TSHZ3: variants seen among roughly 807,000 people sequenced by gnomAD.
TSHZ3 encodes teashirt zinc finger homeobox 3, also known as teashirt homolog 3.
TSHZ3 carries 10 observed loss-of-function variants against 64.5 expected under a neutral mutation model. The observed-to-expected ratio is 0.16, with a 90% CI of 0.10 to 0.26. TSHZ3 has a LOEUF of 0.26. TSHZ3 is among the 10% of genes least tolerant of loss of function. The pLI, the probability that TSHZ3 is intolerant of heterozygous loss-of-function variation, is 1.00. For missense variants in TSHZ3, 1,242 were observed against 1,421.7 expected (o/e 0.87, Z 2.03); for synonymous variants, 608 against 593.1 (o/e 1.03, Z -0.36).
At chr19:31,256,937 C>T (rs1448824886) in intron 1 of TSHZ3, among the ~76,000 whole-genome samples, 1 of 152,190 alleles carries the variant, frequency 6.6e-6, no homozygotes, top group East Asian at 1.9e-4. Flanking sequence ...GCAAGGCCGC[C>T]ATGGTGGGTG....
Position 31,278,987 on chromosome 19 carries a change from T to A in TSHZ3, c.806A>T (p.Glu269Val). 1 of 1,614,010 alleles carries A rather than the reference T, an allele frequency of 6.2e-7. No homozygotes were observed. Among genetic ancestry groups the A allele is most frequent in the Non-Finnish European group, 8.5e-7 (1 of 1,179,896 alleles). ...KRSLLEMEGK[E>V]DAQKVLKCMY... ...GCACTTCAGCACCTTCTGGGCGTCT[T>A]CCTTCCCTTCCATTTCCAGCAAGGA... Residue 269 changes from glutamate (E) to valine (V), a missense_variant, in exon 2 of 2, where the codon GAA (glutamate) becomes GTA (valine). Physicochemically the swap from Glu to Val is moderately radical, Grantham distance 121. Coordinates refer to ENST00000240587, the MANE Select transcript of TSHZ3 (RefSeq NM_020856.4). The surrounding 1 kb of genome is among the most constrained non-coding windows in gnomAD (Gnocchi z 4.7).
intron 1 of TSHZ3, among the ~76,000 whole-genome samples, chr19:31,287,455 G>A (rs1039352031): frequency 6.6e-6 from 1 of 152,132 alleles, no homozygotes; most frequent in Non-Finnish European, 1.5e-5. Context: ...GGAGGAAAGA[G>A]TAGAGCCAGG....
At chr19:31,210,133 A>T (rs1975244475) in intron 4 of TSHZ3, among the ~76,000 whole-genome samples, 1 of 152,036 alleles carries the variant, frequency 6.6e-6, no homozygotes, top group Non-Finnish European at 1.5e-5. Flanking sequence ...ACTTGGGGGG[A>T]TATTCCAAGC....
chr19:31,271,047 C>G (rs1281404715), downstream of TSHZ3, among the ~76,000 whole-genome samples: 1 of 152,182 alleles, frequency 6.6e-6, no homozygotes, highest in Non-Finnish European at 1.5e-5. Flanking sequence ...GTGGACTTAT[C>G]TAAGTTACCC....
exon 7 of TSHZ3, among the ~76,000 whole-genome samples, chr19:31,151,506 GT>G (rs1353139241): frequency 2.6e-5 from 4 of 152,134 alleles, no homozygotes; most frequent in Non-Finnish European, 4.4e-5. Context: ...TTGTTTAAAC[GT>G]TGTACACATA....
intron 1 of TSHZ3, among the ~76,000 whole-genome samples, chr19:31,328,065 T>C (rs1037209732): frequency 5.9e-5 from 9 of 152,350 alleles, no homozygotes; most frequent in Admixed American, 3.9e-4. Flanking sequence ...TATTTATCTC[T>C]GTCCTCTGAA....
At chr19:31,203,257 C>T (rs1975113803) in intron 5 of TSHZ3, among the ~76,000 whole-genome samples, 1 of 152,096 alleles carries the variant, frequency 6.6e-6, no homozygotes, top group Non-Finnish European at 1.5e-5. Context: ...GCACAATTGG[C>T]ATGCTGAAGG....
At chr19:31,255,082 C>T (rs1975891973) in intron 1 of TSHZ3, among the ~76,000 whole-genome samples, 1 of 152,184 alleles carries the variant, frequency 6.6e-6, no homozygotes, top group African/African-American at 2.4e-5. Context: ...AAAGAATCAG[C>T]TTTTGGTTCC....
chr19:31,176,346 T>C (rs1203441847), intron 5 of TSHZ3, among the ~76,000 whole-genome samples: 1 of 152,076 alleles, frequency 6.6e-6, no homozygotes, highest in African/African-American at 2.4e-5. Flanking sequence ...TTGGAATATA[T>C]AGTTGGAAGA....
intron 5 of TSHZ3, among the ~76,000 whole-genome samples, chr19:31,187,208 C>T (rs1974825744): frequency 6.6e-6 from 1 of 152,078 alleles, no homozygotes; most frequent in Non-Finnish European, 1.5e-5. Flanking sequence ...TCTCTATCAC[C>T]ATATTATAGT....
intron 1 of TSHZ3, among the ~76,000 whole-genome samples, chr19:31,319,177 A>C (rs1416488667): frequency 6.6e-6 from 1 of 152,238 alleles, no homozygotes; most frequent in African/African-American, 2.4e-5. Flanking sequence ...GAAAGTGTGG[A>C]TCCCCACCTC....
intron 1 of TSHZ3, among the ~76,000 whole-genome samples, chr19:31,322,739 G>C (rs1275321790): frequency 6.6e-6 from 1 of 152,200 alleles, no homozygotes; most frequent in African/African-American, 2.4e-5. Flanking sequence ...TTTTTGAATG[G>C]ATGAATGAGT....
intron 1 of TSHZ3, among the ~76,000 whole-genome samples, chr19:31,310,624 G>A (rs2145153694): frequency 6.6e-6 from 1 of 152,274 alleles, no homozygotes; most frequent in East Asian, 1.9e-4. Flanking sequence ...TGCGGGCTCT[G>A]TGTGATGCAT....
At chr19:31,194,852 C>G (rs1318489862) in intron 5 of TSHZ3, among the ~76,000 whole-genome samples, 1 of 152,068 alleles carries the variant, frequency 6.6e-6, no homozygotes, top group South Asian at 2.1e-4. Flanking sequence ...CATGCAAGAA[C>G]AGACAGGCAA....
At chr19:31,286,766 C>G (rs1976472318) in intron 1 of TSHZ3, among the ~76,000 whole-genome samples, 1 of 152,166 alleles carries the variant, frequency 6.6e-6, no homozygotes, top group South Asian at 2.1e-4. Flanking sequence ...CCATTGGGAT[C>G]CACACCTACC....
At chr19:31,290,880 T>C (rs1020810510) in intron 1 of TSHZ3, among the ~76,000 whole-genome samples, 2 of 152,302 alleles carry the variant, frequency 1.3e-5, no homozygotes, top group South Asian at 2.1e-4. Flanking sequence ...CTCCCCTAGA[T>C]TGATTGCTCT....
chr19:31,204,430 CCTT>C (rs1204766511), intron 5 of TSHZ3, among the ~76,000 whole-genome samples: 2 of 151,910 alleles, frequency 1.3e-5, no homozygotes, highest in South Asian at 2.1e-4. Context: ...CTCCCTCTCT[CCTT>C]CTTTCTTTCC....
chr19:31,223,566 T>G (rs1014322459), intron 4 of TSHZ3, among the ~76,000 whole-genome samples: 3 of 152,166 alleles, frequency 2.0e-5, no homozygotes, highest in Admixed American at 2.0e-4. Context: ...TCACTCCAGT[T>G]ATTTATTTAT....
At chr19:31,319,759 A>G (rs1916710801) in intron 1 of TSHZ3, among the ~76,000 whole-genome samples, 1 of 152,206 alleles carries the variant, frequency 6.6e-6, no homozygotes, top group African/African-American at 2.4e-5. Flanking sequence ...CCTCAAAAGC[A>G]CAAACATCAC....
Sources: gnomAD v4.1 joint callset for allele counts (sites outside exome capture counted in the v4.1 genomes callset) on GRCh38, gnomAD v4.1.1 for gene constraint, Gnocchi (gnomAD v3.1) non-coding constraint, MANE v1.5 for transcripts, NCBI Gene and HGNC (gene_info 2026-07-23, HGNC 2026-07-21) for gene names.